TEX11: variants seen among roughly 807,000 people sequenced by gnomAD.
TEX11 encodes testis-expressed protein 11.
A neutral mutation model predicts 84.4 loss-of-function variants in TEX11; 7 were observed. The observed-to-expected ratio is 0.08, with a 90% CI of 0.05 to 0.16. The LOEUF (loss-of-function observed/expected upper bound fraction) is 0.16, where lower values mean the gene tolerates loss of function less well. TEX11 is among the 10% of genes least tolerant of loss of function. The pLI is 1.00. For synonymous variants in TEX11, 264 were observed against 222.8 expected, an observed-to-expected ratio of 1.18 and a Z score of -1.64; for missense variants, 551 against 660.5, an observed-to-expected ratio of 0.83 and a Z score of 1.82.
intron 9 of TEX11, among the ~76,000 whole-genome samples, chrX:70,757,972 T>G (rs899352276): frequency 9.0e-6 from 1 of 111,356 alleles, no homozygotes; most frequent in Non-Finnish European, 1.9e-5. Flanking sequence ...GGGGTTGCAA[T>G]CCTAGTCTCT....
chrX:70,532,429 G>A (rs775501733), intron 28 of TEX11, among the ~76,000 whole-genome samples: 4 of 112,597 alleles, frequency 3.6e-5, no homozygotes, highest in Non-Finnish European at 7.5e-5. Flanking sequence ...AACACAGACA[G>A]GGAGACGTGT....
intron 16 of TEX11, among the ~76,000 whole-genome samples, chrX:70,664,858 A>G (rs1313385539): frequency 1.9e-5 from 2 of 107,354 alleles, no homozygotes; most frequent in African/African-American, 6.7e-5. Context: ...AATTACAAAA[A>G]AAAAAAAAAA....
intron 3 of TEX11, among the ~76,000 whole-genome samples, 164 bp from the exon 4 acceptor site, chrX:70,873,471 T>TA (rs776653410): frequency 7.8e-4 from 87 of 111,736 alleles, no homozygotes; most frequent in Non-Finnish European, 1.4e-3. Context: ...TACCCACTGT[T>TA]AGAGTAATTA....
At chrX:70,693,880 T>A (rs756483228) in intron 13 of TEX11, among the ~76,000 whole-genome samples, 1 of 111,969 alleles carries the variant, frequency 8.9e-6, no homozygotes, top group South Asian at 3.8e-4. Context: ...ATTGTTCACC[T>A]TGACTGTATA....
chrX:70,731,452 T>A (rs2090649956), intron 11 of TEX11, among the ~76,000 whole-genome samples: 1 of 109,957 alleles, frequency 9.1e-6, no homozygotes. Flanking sequence ...ATAGACGCAA[T>A]AAAAAATGAT....
At chrX:70,586,365 T>G (rs998944577) in intron 25 of TEX11, among the ~76,000 whole-genome samples, 2 of 112,181 alleles carry the variant, frequency 1.8e-5, no homozygotes, top group Non-Finnish European at 3.8e-5. Context: ...TCAAAGGACA[T>G]TATCAAGAAA....
intron 18 of TEX11, among the ~76,000 whole-genome samples, chrX:70,628,586 C>A (rs1262722892): frequency 1.8e-5 from 2 of 112,138 alleles, no homozygotes; most frequent in Non-Finnish European, 3.8e-5. Context: ...TTTCCTAATG[C>A]ATGGCTTGTC....
intron 9 of TEX11, among the ~76,000 whole-genome samples, chrX:70,774,691 T>A (rs2090991179): frequency 1.8e-5 from 2 of 111,344 alleles, no homozygotes; most frequent in Middle Eastern, 4.6e-3. Flanking sequence ...TAAAAAGCAC[T>A]GGTGAAAGAG....
At chrX:70,597,658 T>TA (rs894773303) in intron 24 of TEX11, among the ~76,000 whole-genome samples, 10 of 111,785 alleles carry the variant, frequency 8.9e-5, no homozygotes, top group African/African-American at 3.3e-4. Context: ...GCTGAAAATA[T>TA]AAAAAACCTT....
intron 28 of TEX11, among the ~76,000 whole-genome samples, chrX:70,542,311 G>A (rs891556307): frequency 3.6e-5 from 4 of 110,997 alleles, no homozygotes; most frequent in African/African-American, 1.3e-4. Context: ...GACCCTCACT[G>A]GACACTGAAT....
At chrX:70,550,730 C>T (rs2088201684) in intron 28 of TEX11, among the ~76,000 whole-genome samples, 1 of 111,477 alleles carries the variant, frequency 9.0e-6, no homozygotes. Flanking sequence ...TGGCTTATAT[C>T]CAAATGACAG....
intron 8 of TEX11, among the ~76,000 whole-genome samples, chrX:70,829,481 CAAA>C (rs60664977): frequency 1.4e-5 from 1 of 72,929 alleles, no homozygotes. Context: ...CATTCCGTCT[CAAA>C]AAAAAAAAAA....
intron 13 of TEX11, among the ~76,000 whole-genome samples, chrX:70,686,667 C>T (rs190355723): frequency 4.9e-5 from 5 of 102,964 alleles, no homozygotes; most frequent in East Asian, 3.0e-4. Context: ...CAAACCTGCA[C>T]GTTCTGCACA....
intron 2 of TEX11, among the ~76,000 whole-genome samples, chrX:70,902,335 G>C (rs972062427): frequency 9.0e-6 from 1 of 111,324 alleles, no homozygotes; most frequent in Admixed American, 9.6e-5. Context: ...TGCAGACCTG[G>C]AAGTTGCTCT....
intron 12 of TEX11, 94 bp downstream of exon 12, chrX:70,725,168 T>C (rs2090590092): frequency 2.1e-6 from 1 of 484,727 alleles, no homozygotes; most frequent in Admixed American, 4.1e-5. Context: ...ACCATCAAAT[T>C]ACACCTATTG....
chrX:70,603,381 C>A (rs1170027069), intron 24 of TEX11, among the ~76,000 whole-genome samples: 1 of 99,173 alleles, frequency 1.0e-5, no homozygotes, highest in Non-Finnish European at 2.0e-5. Flanking sequence ...CAGAACAGAG[C>A]CCTCAGAAAT....
intron 9 of TEX11, among the ~76,000 whole-genome samples, chrX:70,751,780 C>A (rs2090827969): frequency 9.0e-6 from 1 of 111,397 alleles, no homozygotes; most frequent in Non-Finnish European, 1.9e-5. Context: ...ATAAGAAATA[C>A]AAAAGGAGGT....
chrX:70,771,742 T>A (rs1474557698), intron 9 of TEX11, among the ~76,000 whole-genome samples: 2 of 111,840 alleles, frequency 1.8e-5, no homozygotes, highest in Admixed American at 1.9e-4. Context: ...ACTCTTCCAT[T>A]TTGACTGTTC....
chrX:70,898,150 A>C (rs1306102114), intron 2 of TEX11, among the ~76,000 whole-genome samples: 1 of 112,152 alleles, frequency 8.9e-6, no homozygotes. Context: ...ACCAAAGGTA[A>C]TTACATTCTA....
Sources: gnomAD v4.1 joint callset for allele counts (sites outside exome capture counted in the v4.1 genomes callset) on GRCh38, gnomAD v4.1.1 for gene constraint, MANE v1.5 for transcripts, NCBI Gene and HGNC (gene_info 2026-07-23, HGNC 2026-07-21) for gene names.